Variants in ADAMTS9 observed in about 807,000 individuals in gnomAD.
ADAMTS9 encodes the protein A disintegrin and metalloproteinase with thrombospondin motifs 9.
Under a neutral mutation model 257.1 loss-of-function variants are expected in ADAMTS9, and 107 were observed. The ratio of observed to expected loss-of-function variants is 0.42; its 90% confidence interval spans 0.36 to 0.49. ADAMTS9 has a LOEUF of 0.49. Among genes scored for constraint, ADAMTS9 ranks in the 20% least tolerant of loss-of-function variants. ADAMTS9 has a pLI of 0.03. For missense variants in ADAMTS9, 2,353 were observed against 2,469.1 expected (o/e 0.95, Z 1.00); for synonymous variants, 982 against 880.9 (o/e 1.11, Z -2.03).
At chr3:64,627,149 T>C (rs578083977) in intron 16 of ADAMTS9, among the ~76,000 whole-genome samples, 3 of 152,284 alleles carry the variant, frequency 2.0e-5, no homozygotes, top group African/African-American at 7.2e-5. Context: ...GATAATCCAG[T>C]GTGGTCATAT....
In ADAMTS9 at chr3:64,615,427, C is replaced by T. The variant is rs772805812; in HGVS notation, c.3083G>A (p.Arg1028Gln). Residue 1028 changes from arginine to glutamine, a missense_variant, in exon 21 of 40, where the codon CGA (arginine) becomes CAA (glutamine). Physicochemically the swap from Arg to Gln is conservative, Grantham distance 43 (BLOSUM62 1). This residue lies in a region of ADAMTS9 where 1,402 missense variants were observed against 1,441.4 expected (regional missense o/e 0.97). Transcript: ENST00000498707. ...QRRRAICVNT[R>Q]NDVLDDSKCT... ...TTTGCTGTCATCCAGTACATCATTT[C>T]GGGTATTGACACAAATAGCCCTTCT... 2.5e-5 allele frequency: 40 copies of T among 1,613,846 alleles called. No homozygotes were observed. The highest frequency in any genetic ancestry group is 1.6e-4 in the Middle Eastern group (1 of 6,080).
At chr3:64,654,714 T>C (rs1701019801) in intron 6 of ADAMTS9, 102 bp from the exon 7 acceptor site, 3 of 1,325,390 alleles carry the variant, frequency 2.3e-6, no homozygotes, top group South Asian at 1.3e-5. Context: ...GTACACACTT[T>C]GGGGTGGGGG....
Position 64,526,404 on chromosome 3 carries a change from C to T in ADAMTS9, c.5719-4144G>A, listed in dbSNP as rs187910568. On this transcript the variant is annotated intron_variant, in intron 38 of 39. Coordinates refer to ENST00000498707, the MANE Select transcript of ADAMTS9 (RefSeq NM_182920.2). ...TAGTTTCTCTTAATTCTTAAAAATT[C>T]GTAGGCATTTGATGATGAATGGAAC... is the stretch of plus-strand genomic sequence containing the variant. Among the ~76,000 whole-genome samples, 187 of 152,180 alleles carry T rather than the reference C, an allele frequency of 1.2e-3. 2 individuals are homozygous for T. The highest frequency in any genetic ancestry group is 3.5e-3 in the African/African-American group (145 of 41,536).
rs749289116 is a variant in ADAMTS9, at chr3:64,541,845, G to C, written c.5190C>G (p.Val1730=). Reference sequence around the variant, plus strand: ...TTCAGTTGGCCAACTTACAGTTATAGACATTACGGCAGGTTTTTCGTTCTT... The same window carrying C: ...TTCAGTTGGCCAACTTACAGTTATACACATTACGGCAGGTTTTTCGTTCTT... ...KPEERKTCRN[V]YNCELPQNCK... is the part of the protein sequence containing the mutation. Residue 1730 remains valine, a synonymous_variant, in exon 33 of 40, where the codon GTC becomes GTG. Coordinates refer to ENST00000498707, the MANE Select transcript of ADAMTS9 (RefSeq NM_182920.2). 19 of 1,614,198 alleles carry C rather than the reference G, an allele frequency of 1.2e-5. No homozygotes were observed. The highest frequency in any genetic ancestry group is 1.5e-5 in the Non-Finnish European group (18 of 1,180,024).
intron 27 of ADAMTS9, among the ~76,000 whole-genome samples, chr3:64,596,270 C>CA (rs1289009836): frequency 6.6e-6 from 1 of 152,206 alleles, no homozygotes; most frequent in African/African-American, 2.4e-5. Flanking sequence ...TTCCAATACT[C>CA]AGTTGTCCCC....
At chr3:64,627,026 C>A (rs996733485) in intron 16 of ADAMTS9, among the ~76,000 whole-genome samples, 2 of 152,270 alleles carry the variant, frequency 1.3e-5, no homozygotes, top group African/African-American at 4.8e-5. Context: ...GTATGATGTG[C>A]TGTCAACAAA....
rs369164076 is a variant in ADAMTS9, at chr3:64,636,375, T to C, written c.1857-2496A>G. ...AAACAGAGGGTTTGAATCCCAGCTA[T>C]GCCTCTTAATAATGATGCAATATTA... On this transcript the variant is annotated intron_variant, in intron 12 of 39. Transcript: ENST00000498707. Among the ~76,000 whole-genome samples the C allele has an allele frequency of 8.7e-4, 133 of 152,348 alleles. 3 individuals are homozygous for C. The South Asian group carries it at 0.027, about 30-fold the overall frequency.
Position 64,522,238 on chromosome 3 carries a change from T to C in ADAMTS9, c.5741A>G (p.Lys1914Arg). 1 of 1,614,028 alleles carries C rather than the reference T, an allele frequency of 6.2e-7. No individual in the cohort carries two copies. The highest frequency in any genetic ancestry group is 1.1e-5 in the South Asian group (1 of 91,086). The stretch of plus-strand genomic sequence containing the variant: ...GCATTTTCCACAGTAACCACCGCAT[T>C]TCCCTACGACTCGGGTACCATCCTG... ...KSPDGTRVVG[K>R]CGGYCGKCTP... Residue 1914 changes from lysine to arginine, a missense_variant, in exon 39 of 40, where the codon AAA becomes AGA. Lys to Arg is a conservative substitution (Grantham distance 26). Coordinates refer to ENST00000498707, the MANE Select transcript of ADAMTS9 (RefSeq NM_182920.2).
intron 28 of ADAMTS9, 188 bp from the exon 29 acceptor site, chr3:64,568,723 C>T: frequency 3.2e-6 from 2 of 618,756 alleles, no homozygotes; most frequent in Non-Finnish European, 5.3e-6. Context: ...AAAAAAATGT[C>T]CACAGCATTA....
intron 11 of ADAMTS9, among the ~76,000 whole-genome samples, chr3:64,642,409 C>T (rs1448491955): frequency 6.6e-6 from 1 of 151,466 alleles, no homozygotes; most frequent in African/African-American, 2.4e-5. Context: ...AACTATAATG[C>T]TTTATTGCTC....
At chr3:64,551,559 C>T (rs2083272040) in intron 30 of ADAMTS9, among the ~76,000 whole-genome samples, 1 of 152,184 alleles carries the variant, frequency 6.6e-6, no homozygotes. Context: ...TCCTGGCATT[C>T]ACCACCCAGC....
rs1373469647 is a variant in ADAMTS9, at chr3:64,515,671, A to G, written c.*1456T>C. On this transcript the variant is annotated 3_prime_UTR_variant, in exon 40 of 40. Transcript: ENST00000498707. ...ACAAATGGTTTGGGTGTGGTGATGT[A>G]TTTATTCATAATATATTTTCAGAAC... 2.0e-5 allele frequency: 3 copies of G among 152,220 alleles called. No individual in the cohort carries two copies. Among genetic ancestry groups the G allele is most frequent in the African/African-American group, 4.8e-5 (2 of 41,462 alleles). 9.4% of individuals were successfully genotyped at this position (152,220 alleles called of 1,614,324 possible).
rs554427164 is a variant in ADAMTS9, at chr3:64,686,041, G to T, written c.516+527C>A. Among the ~76,000 whole-genome samples the T allele has an allele frequency of 2.8e-4, 43 of 152,286 alleles. No homozygotes were observed. Among genetic ancestry groups the T allele is most frequent in the African/African-American group, 9.6e-4 (40 of 41,574 alleles). ...CCAGTTCAGCCTCAGGGTTCCTGGCGCGTGAATAAAGGCCCTGAGAGAAAG... is the reference window on the plus strand; with the variant it reads ...CCAGTTCAGCCTCAGGGTTCCTGGCTCGTGAATAAAGGCCCTGAGAGAAAG... On this transcript the variant is annotated intron_variant, in intron 2 of 39. Transcript: ENST00000498707. The surrounding 1 kb of genome is among the most constrained non-coding windows in gnomAD (Gnocchi z 4.6).
At chr3:64,592,759 T>C (rs1230362053) in intron 28 of ADAMTS9, 1 of 151,430 alleles carries the variant, frequency 6.6e-6, no homozygotes, top group Non-Finnish European at 1.5e-5. Flanking sequence ...TGTTTCTTCC[T>C]AAGGGTTAAG....
chr3:64,621,164 C>G lies in ADAMTS9; in HGVS notation c.2763G>C (p.Leu921=), dbSNP rs149253049. 3,458 of 1,613,906 alleles carry G rather than the reference C, an allele frequency of 2.1e-3. 96 individuals are homozygous for G. The South Asian group carries it at 0.036, about 17-fold the overall frequency. The change falls in exon 19 of 40, where the codon CTG becomes CTC. Residue 921 remains leucine (L), a synonymous_variant. Transcript: ENST00000498707. ...LTVSDQRCDR[L]PQPGHITEPC... ...GTTCAGTAATGTGTCCAGGCTGGGG[C>G]AGCCGATCGCATCTTTGATCAGAAA...
Position 64,573,079 on chromosome 3 carries a change from TAAA to T in ADAMTS9, c.4357-4547_4357-4545del, listed in dbSNP as rs57570382. 5.0e-3 allele frequency among the ~76,000 whole-genome samples: 598 copies of T among 119,956 alleles called. 2 individuals are homozygous for T. Among genetic ancestry groups the T allele is most frequent in the African/African-American group, 0.013 (397 of 31,048 alleles). 78.7% of individuals were successfully genotyped at this position (119,956 alleles called of 152,430 possible). ...CGACGGAGTGAGTGAGACTCCATCTTAAAAAAAAAAAAAAAAAAAATGGAAAAA... is the reference window on the plus strand; with the variant it reads ...CGACGGAGTGAGTGAGACTCCATCTTAAAAAAAAAAAAAAAAATGGAAAAA... On this transcript the variant is annotated intron_variant, in intron 28 of 39. Coordinates refer to ENST00000498707, the MANE Select transcript of ADAMTS9 (RefSeq NM_182920.2).
intron 28 of ADAMTS9, among the ~76,000 whole-genome samples, chr3:64,593,335 A>T (rs542247453): frequency 6.6e-6 from 1 of 152,182 alleles, no homozygotes; most frequent in Non-Finnish European, 1.5e-5. Flanking sequence ...GATGGTTAAG[A>T]CTTCTGAGAA....
intron 19 of ADAMTS9, among the ~76,000 whole-genome samples, chr3:64,619,255 G>A (rs1201913758): frequency 6.6e-6 from 1 of 152,050 alleles, no homozygotes; most frequent in Non-Finnish European, 1.5e-5. Flanking sequence ...AATCAGTGGA[G>A]AAAAAACAGG....
At chr3:64,575,570 C>A (rs2083819538) in intron 28 of ADAMTS9, among the ~76,000 whole-genome samples, 1 of 152,098 alleles carries the variant, frequency 6.6e-6, no homozygotes, top group African/African-American at 2.4e-5. Flanking sequence ...CAGGAAATGG[C>A]AGCTGGGGTG....
Sources: gnomAD v4.1 joint callset for allele counts (sites outside exome capture counted in the v4.1 genomes callset) on GRCh38, gnomAD v4.1.1 for gene constraint, gnomAD v4.1.1 regional missense constraint, Gnocchi (gnomAD v3.1) non-coding constraint, MANE v1.5 for transcripts, NCBI Gene and HGNC (gene_info 2026-07-23, HGNC 2026-07-21) for gene names.